The following ZFAT variants were observed in gnomAD, a reference collection of about 807,000 sequenced individuals.
The protein encoded by ZFAT is zinc finger protein ZFAT.
A neutral mutation model predicts 117.7 loss-of-function variants in ZFAT; 64 were observed. That is an observed-to-expected ratio of 0.54 (90% CI 0.44 to 0.67). The LOEUF (loss-of-function observed/expected upper bound fraction) is 0.67, where lower values mean the gene tolerates loss of function less well. Ranked by LOEUF, ZFAT falls within the 30% of genes least tolerant of loss-of-function variation. The pLI is 0.00. For synonymous variants in ZFAT, 679 were observed against 615.0 expected (o/e 1.10, Z -1.54); for missense variants, 1,433 against 1,584.5 (o/e 0.90, Z 1.62).
chr8:134,657,375 A>G (rs1282031012), intron 2 of ZFAT, among the ~76,000 whole-genome samples, 186 bp downstream of exon 2: 2 of 152,150 alleles, frequency 1.3e-5, no homozygotes, highest in African/African-American at 2.4e-5. Flanking sequence ...TCATTTGCCA[A>G]CCTACAGGGG....
chr8:134,740,288 C>A, the ZFAT span, among the ~76,000 whole-genome samples: 1 of 152,212 alleles, frequency 6.6e-6, no homozygotes, highest in South Asian at 2.1e-4. Flanking sequence ...TGAAGGCAAA[C>A]ACACTTAACC....
chr8:134,790,297 G>A, the ZFAT span, among the ~76,000 whole-genome samples: 1 of 152,182 alleles, frequency 6.6e-6, no homozygotes, highest in African/African-American at 2.4e-5. Flanking sequence ...TTTTGTTAAA[G>A]TAATAGAATT....
chr8:134,714,117 C>A (rs866810242), upstream of ZFAT, among the ~76,000 whole-genome samples: 1 of 140,154 alleles, frequency 7.1e-6, no homozygotes, highest in Non-Finnish European at 1.6e-5. Flanking sequence ...GCCCCCCCCC[C>A]CCCAAAAAAA....
chr8:134,627,222 CAGA>C (rs1829579497), intron 3 of ZFAT, among the ~76,000 whole-genome samples: 3 of 152,146 alleles, frequency 2.0e-5, no homozygotes, highest in Non-Finnish European at 4.4e-5. Flanking sequence ...GGAGCAGACT[CAGA>C]AGGAGAGCGG....
intron 12 of ZFAT, 131 bp downstream of exon 12, chr8:134,532,703 G>A (rs1373365699): frequency 7.3e-6 from 9 of 1,230,844 alleles, no homozygotes; most frequent in Non-Finnish European, 1.0e-5. Context: ...CAATTAGGAC[G>A]ATGAAGAATG....
At chr8:134,665,728 T>A (rs970087380) in intron 1 of ZFAT, among the ~76,000 whole-genome samples, 2 of 152,158 alleles carry the variant, frequency 1.3e-5, no homozygotes, top group African/African-American at 2.4e-5. Flanking sequence ...GACCTTTTGC[T>A]GTGCATCACA....
intron 7 of ZFAT, among the ~76,000 whole-genome samples, chr8:134,590,937 T>C (rs996479462): frequency 3.3e-5 from 5 of 152,170 alleles, no homozygotes; most frequent in African/African-American, 1.2e-4. Context: ...ATACACCCTC[T>C]ACCTGGCGCT....
At chr8:134,698,844 ACT>A (rs1240240021) in intron 1 of ZFAT, among the ~76,000 whole-genome samples, 1 of 151,574 alleles carries the variant, frequency 6.6e-6, no homozygotes, top group Non-Finnish European at 1.5e-5. Flanking sequence ...CATCACCAAA[ACT>A]CTTTTCCCAA....
At chr8:134,829,901 T>C in the ZFAT span, among the ~76,000 whole-genome samples, 1 of 152,206 alleles carries the variant, frequency 6.6e-6, no homozygotes, top group Non-Finnish European at 1.5e-5. Context: ...AAATGTAATA[T>C]AGAAATGTGT....
At chr8:134,695,197 T>C (rs1050369780) in intron 1 of ZFAT, among the ~76,000 whole-genome samples, 32 of 152,028 alleles carry the variant, frequency 2.1e-4, no homozygotes, top group African/African-American at 7.0e-4. Context: ...GTCCACATCC[T>C]CCCCGGGAGG....
intron 11 of ZFAT, among the ~76,000 whole-genome samples, chr8:134,561,052 G>C (rs2130750976): frequency 6.6e-6 from 1 of 152,284 alleles, no homozygotes; most frequent in South Asian, 2.1e-4. Context: ...ATGTTTGATG[G>C]GCTTCACCCA....
At chr8:134,738,427 T>G in the ZFAT span, among the ~76,000 whole-genome samples, 26 of 152,296 alleles carry the variant, frequency 1.7e-4, no homozygotes, top group East Asian at 4.6e-3. Flanking sequence ...AGGCTTAGCT[T>G]TTCATTTGAT....
At chr8:134,579,237 A>G (rs1031943737) in intron 10 of ZFAT, among the ~76,000 whole-genome samples, 3 of 152,208 alleles carry the variant, frequency 2.0e-5, no homozygotes, top group African/African-American at 7.2e-5. Context: ...TGGAAATACA[A>G]GTTTGGAAGC....
rs773764453 is a variant in ZFAT, at chr8:134,712,727, CGGCCGGCGGCCG to C, written c.19+106_19+117del. ...CAGACCCGGATCCCTCCGCGGCCGG[CGGCCGGCGGCCG>C]GCGGCCGGCGCACTGCTTCCCGACT... On this transcript the variant is annotated intron_variant, in intron 1 of 15. Coordinates refer to ENST00000377838, the MANE Select transcript of ZFAT (RefSeq NM_020863.4). The C allele has an allele frequency of 8.0e-5, 70 of 874,636 alleles. 1 individual carries two copies. Among genetic ancestry groups the C allele is most frequent in the Non-Finnish European group, 9.7e-5 (62 of 638,452 alleles). The allele number at this position is 874,636 out of a possible 1,614,324, so 54.2% of individuals were successfully genotyped here.
At chr8:134,831,588 G>T in the ZFAT span, among the ~76,000 whole-genome samples, 1 of 152,206 alleles carries the variant, frequency 6.6e-6, no homozygotes, top group South Asian at 2.1e-4. Flanking sequence ...AAAAAGCAAG[G>T]CGCCTCGTCC....
the ZFAT span, among the ~76,000 whole-genome samples, chr8:134,738,796 G>T: frequency 6.6e-6 from 1 of 152,174 alleles, no homozygotes; most frequent in Non-Finnish European, 1.5e-5. Flanking sequence ...CATGTGCAAA[G>T]GCCCAGGGGG....
intron 12 of ZFAT, among the ~76,000 whole-genome samples, chr8:134,527,867 T>C (rs1161002644): frequency 6.6e-6 from 1 of 151,982 alleles, no homozygotes; most frequent in African/African-American, 2.4e-5. Context: ...TCCCCTCACA[T>C]ACGCCCCCAA....
the ZFAT span, among the ~76,000 whole-genome samples, chr8:134,805,916 G>A: frequency 6.6e-6 from 1 of 152,218 alleles, no homozygotes; most frequent in African/African-American, 2.4e-5. Flanking sequence ...GGTGGAGGCT[G>A]CAGTGAGCTG....
chr8:134,748,558 A>C, the ZFAT span, among the ~76,000 whole-genome samples: 1 of 152,198 alleles, frequency 6.6e-6, no homozygotes, highest in African/African-American at 2.4e-5. Flanking sequence ...TGCTTTAGAC[A>C]TCCTTTTACA....
Sources: gnomAD v4.1 joint callset for allele counts (sites outside exome capture counted in the v4.1 genomes callset) on GRCh38, gnomAD v4.1.1 for gene constraint, MANE v1.5 for transcripts, NCBI Gene and HGNC (gene_info 2026-07-23, HGNC 2026-07-21) for gene names.